The following RERE variants were observed in gnomAD, a reference collection of about 807,000 sequenced individuals.
The protein encoded by RERE is arginine-glutamic acid dipeptide repeats protein.
Under a neutral mutation model 146.1 loss-of-function variants are expected in RERE, and 40 were observed. That is an observed-to-expected ratio of 0.27 (90% CI 0.21 to 0.36). The LOEUF (loss-of-function observed/expected upper bound fraction) is 0.36, where lower values mean the gene tolerates loss of function less well. Ranked by LOEUF, RERE falls within the 10% of genes least tolerant of loss-of-function variation. The probability of loss-of-function intolerance (pLI) is 1.00; values close to 1 mark genes in which losing one functional copy is unlikely to be tolerated. For missense variants in RERE, 1,933 were observed against 2,138.7 expected, an observed-to-expected ratio of 0.90 and a Z score of 1.90; for synonymous variants, 1,003 against 866.0, an observed-to-expected ratio of 1.16 and a Z score of -2.78.
At chr1:8,451,300 C>T (rs1644387832) in intron 11 of RERE, among the ~76,000 whole-genome samples, 1 of 152,078 alleles carries the variant, frequency 6.6e-6, no homozygotes, top group African/African-American at 2.4e-5. Context: ...GGTGTGGTGG[C>T]ACATGCCTAT....
At chr1:8,687,517 A>G (rs1639117444) in intron 1 of RERE, among the ~76,000 whole-genome samples, 1 of 152,314 alleles carries the variant, frequency 6.6e-6, no homozygotes, top group Non-Finnish European at 1.5e-5. Context: ...ACACTGAGAA[A>G]CTCACCAAAT....
At chr1:8,523,860 C>T (rs981896787) in intron 7 of RERE, among the ~76,000 whole-genome samples, 2 of 152,194 alleles carry the variant, frequency 1.3e-5, no homozygotes, top group Admixed American at 6.5e-5. Context: ...AGAGCTGATT[C>T]GGCTGTGAGC....
intron 6 of RERE, among the ~76,000 whole-genome samples, chr1:8,553,855 T>A (rs1441000174): frequency 6.6e-6 from 1 of 152,182 alleles, no homozygotes; most frequent in Non-Finnish European, 1.5e-5. Context: ...TGGAATTATT[T>A]AGGATAACTT....
chr1:8,559,527 C>T (rs1399505883), intron 4 of RERE, among the ~76,000 whole-genome samples: 2 of 151,902 alleles, frequency 1.3e-5, no homozygotes, highest in Middle Eastern at 3.2e-3. Context: ...ACTTTCTACA[C>T]TGTTTATGCT....
At chr1:8,535,076 G>C (rs1047219026) in intron 7 of RERE, among the ~76,000 whole-genome samples, 1 of 151,958 alleles carries the variant, frequency 6.6e-6, no homozygotes, top group African/African-American at 2.4e-5. Flanking sequence ...CTAGGCTGCA[G>C]TGCACTTAAA....
intron 1 of RERE, among the ~76,000 whole-genome samples, chr1:8,770,337 G>A (rs1452050140): frequency 5.3e-5 from 8 of 152,162 alleles, no homozygotes; most frequent in African/African-American, 1.2e-4. Context: ...AAGGATGACT[G>A]TAAGGGGTCA....
In RERE at chr1:8,354,011, G is replaced by C. The variant is rs1396397754; in HGVS notation, c.*1076C>G. ...CACTTGTGTGCTGAGTTATTTGTAT[G>C]GAATCATTTTCTTAGATGATGAAAT... On this transcript the variant is annotated 3_prime_UTR_variant, in exon 23 of 23. Coordinates refer to ENST00000400908, the MANE Select transcript of RERE (RefSeq NM_001042681.2). 1 of 152,516 alleles carries C rather than the reference G, an allele frequency of 6.6e-6. No homozygotes were observed. Among genetic ancestry groups the C allele is most frequent in the African/African-American group, 2.4e-5 (1 of 41,410 alleles). 9.4% of individuals were successfully genotyped at this position (152,516 alleles called of 1,614,324 possible).
At chr1:8,371,563 C>T (rs534733162) in intron 12 of RERE, among the ~76,000 whole-genome samples, 1 of 152,166 alleles carries the variant, frequency 6.6e-6, no homozygotes, top group South Asian at 2.1e-4. Context: ...GACAGCTCAG[C>T]GGCAGCCGCT....
chr1:8,625,547 C>A (rs1339285515), intron 2 of RERE, among the ~76,000 whole-genome samples: 1 of 152,152 alleles, frequency 6.6e-6, no homozygotes, highest in Non-Finnish European at 1.5e-5. Context: ...CTGAAGCTAT[C>A]CCCCTGCCTC....
intron 12 of RERE, among the ~76,000 whole-genome samples, chr1:8,374,632 G>A (rs748128571): frequency 6.6e-6 from 1 of 152,150 alleles, no homozygotes; most frequent in Non-Finnish European, 1.5e-5. Flanking sequence ...CCAAAGCCCC[G>A]CTAGTACCTT....
At chr1:8,722,678 A>G (rs1426284332) in intron 1 of RERE, among the ~76,000 whole-genome samples, 1 of 152,246 alleles carries the variant, frequency 6.6e-6, no homozygotes, top group Non-Finnish European at 1.5e-5. Flanking sequence ...TAAACAATAC[A>G]GTATAATAAC....
At chr1:8,814,759 C>T (rs1025143265) in intron 1 of RERE, among the ~76,000 whole-genome samples, 1 of 152,094 alleles carries the variant, frequency 6.6e-6, no homozygotes, top group Non-Finnish European at 1.5e-5. Flanking sequence ...ATACTGGGAA[C>T]AGAAATAAAC....
chr1:8,522,593 C>A (rs534523431), intron 7 of RERE, among the ~76,000 whole-genome samples: 1 of 152,186 alleles, frequency 6.6e-6, no homozygotes, highest in East Asian at 1.9e-4. Context: ...AAGTGTCAGC[C>A]GGGCAGGGCG....
At chr1:8,622,888 C>T (rs545230258) in intron 3 of RERE, among the ~76,000 whole-genome samples, 4 of 151,980 alleles carry the variant, frequency 2.6e-5, no homozygotes, top group African/African-American at 9.7e-5. Context: ...TTTCTTTAGA[C>T]TGAAATATCA....
intron 1 of RERE, among the ~76,000 whole-genome samples, chr1:8,813,804 G>A (rs377277062): frequency 7.9e-5 from 12 of 152,020 alleles, no homozygotes; most frequent in Admixed American, 2.6e-4. Flanking sequence ...TAGTAGAGAC[G>A]AGGTTTCACC....
At chr1:8,690,006 C>G (rs578080209) in intron 1 of RERE, among the ~76,000 whole-genome samples, 1 of 152,266 alleles carries the variant, frequency 6.6e-6, no homozygotes, top group South Asian at 2.1e-4. Context: ...ATCCTCATTT[C>G]GTTCTCAAAA....
chr1:8,467,208 AT>A (rs1213634175), intron 10 of RERE, among the ~76,000 whole-genome samples: 1 of 152,236 alleles, frequency 6.6e-6, no homozygotes, highest in Non-Finnish European at 1.5e-5. Flanking sequence ...TCAATCTCTT[AT>A]TTTAACAATG....
chr1:8,387,199 C>T (rs141590607), intron 12 of RERE, among the ~76,000 whole-genome samples: 182 of 152,314 alleles, frequency 1.2e-3, no homozygotes, highest in Non-Finnish European at 2.0e-3. Context: ...TTTGACATAG[C>T]TGGCAACACA....
At chr1:8,368,166 G>A (rs779812217) in intron 12 of RERE, among the ~76,000 whole-genome samples, 1 of 152,170 alleles carries the variant, frequency 6.6e-6, no homozygotes, top group Non-Finnish European at 1.5e-5. Context: ...AGGGGCTACT[G>A]AATGATAAAA....
Sources: allele counts gnomAD v4.1 joint callset (sites outside exome capture counted in the v4.1 genomes callset), GRCh38; gene constraint gnomAD v4.1.1; transcripts MANE v1.5; gene names NCBI Gene and HGNC (gene_info 2026-07-23, HGNC 2026-07-21).